CASS4: variants seen among roughly 807,000 people sequenced by gnomAD.
CASS4 encodes Cas scaffold protein family member 4.
A neutral mutation model predicts 54.2 loss-of-function variants in CASS4; 22 were observed. That is an observed-to-expected ratio of 0.41 (90% CI 0.29 to 0.58). The LOEUF (loss-of-function observed/expected upper bound fraction) is 0.58. CASS4 is among the 20% of genes least tolerant of loss of function. The pLI, the probability that CASS4 is intolerant of heterozygous loss-of-function variation, is 0.36. For missense variants in CASS4, 854 were observed against 986.7 expected (o/e 0.87, Z 1.80); for synonymous variants, 409 against 391.5 (o/e 1.04, Z -0.53).
In CASS4 at chr20:56,458,560, A is replaced by G. The variant is rs1450166082; in HGVS notation, c.2174A>G (p.Gln725Arg). 11 of 1,613,966 alleles carry G rather than the reference A, an allele frequency of 6.8e-6. No homozygotes were observed. In the Admixed American group the frequency reaches 1.8e-4, roughly 27 times the overall value. ...KLVDTLCMET[Q>R]ERDVRNEILR... is the part of the protein sequence containing the mutation. ...GTGGACACGCTGTGCATGGAGACCC[A>G]GGAGAGGGACGTGCGCAACGAGATC... The change falls in exon 6 of 6, where the codon CAG becomes CGG. Residue 725 changes from glutamine to arginine, a missense_variant. Coordinates refer to ENST00000679887, the MANE Select transcript of CASS4 (RefSeq NM_020356.4).
In CASS4 at chr20:56,435,493, A is replaced by C. The variant is rs138506168; in HGVS notation, c.37-1671A>C. On this transcript the variant is annotated intron_variant, in intron 1 of 5. Coordinates refer to ENST00000679887, the MANE Select transcript of CASS4 (RefSeq NM_020356.4). ...CTTTTTCTGTAATGAACATGTATTG[A>C]TATAAAAAGATTGGGAAAGGTGATT... Among the ~76,000 whole-genome samples, 434 of 152,284 alleles carry C rather than the reference A, an allele frequency of 2.8e-3. 2 individuals are homozygous for C. Among genetic ancestry groups the C allele is most frequent in the African/African-American group, 0.01 (420 of 41,564 alleles).
intron 2 of CASS4, among the ~76,000 whole-genome samples, chr20:56,442,533 GA>G (rs1490503877): frequency 2.6e-5 from 4 of 151,570 alleles, no homozygotes; most frequent in Non-Finnish European, 5.9e-5. Context: ...TCCAGACCAC[GA>G]AACAACAAAA....
chr20:56,424,502 A>T (rs1247953010), intron 1 of CASS4, among the ~76,000 whole-genome samples: 1 of 152,116 alleles, frequency 6.6e-6, no homozygotes, highest in African/African-American at 2.4e-5. Flanking sequence ...GCACTTTGGG[A>T]GGTCAAGGCG....
chr20:56,450,542 T>C, intron 3 of CASS4, 57 bp from the exon 4 acceptor site: 3 of 1,485,348 alleles, frequency 2.0e-6, no homozygotes, highest in African/African-American at 1.4e-5. Context: ...GTGTTCGTGA[T>C]GTGTAGCCAT....
chr20:56,412,215 G>T (rs1030695868), upstream of CASS4: 1 of 517,154 alleles, frequency 1.9e-6, no homozygotes, highest in Admixed American at 3.5e-5. The surrounding 1 kb of genome is among the most constrained non-coding windows in gnomAD (Gnocchi z 4.2). Context: ...GCATTGAGAC[G>T]TGAGTGTGGC....
chr20:56,452,609 C>A lies in CASS4; in HGVS notation c.1433C>A (p.Ala478Glu). ...GACTATCTGGAGGCCAACATTGATG[C>A]AATCCACAGGTCCACTGATCACATA... The part of the protein sequence containing the change: ...FRDYLEANID[A>E]IHRSTDHIEE... The change falls in exon 5 of 6, where the codon GCA (alanine) becomes GAA (glutamate). Residue 478 changes from alanine to glutamate, a missense_variant. Coordinates refer to ENST00000679887, the MANE Select transcript of CASS4 (RefSeq NM_020356.4). 6.2e-7 allele frequency: 1 copy of A among 1,614,162 alleles called. No homozygotes were observed. Among genetic ancestry groups the A allele is most frequent in the Non-Finnish European group, 8.5e-7 (1 of 1,180,020 alleles).
In CASS4 at chr20:56,414,330, T is replaced by C. The variant is rs1041057162; in HGVS notation, c.36+1836T>C. Among the ~76,000 whole-genome samples, 2 of 152,226 alleles carry C rather than the reference T, an allele frequency of 1.3e-5. No individual in the cohort carries two copies. Among genetic ancestry groups the C allele is most frequent in the African/African-American group, 4.8e-5 (2 of 41,458 alleles). On this transcript the variant is annotated intron_variant, in intron 1 of 5. Coordinates refer to ENST00000679887, the MANE Select transcript of CASS4 (RefSeq NM_020356.4). The surrounding 1 kb of genome is among the most constrained non-coding windows in gnomAD (Gnocchi z 4.1). Reference sequence around the variant, plus strand: ...ACTACCTTTTTCTCTTTCATAACATTGACCTTTTTTCTAAACAGCCTAGAT... The same window carrying C: ...ACTACCTTTTTCTCTTTCATAACATCGACCTTTTTTCTAAACAGCCTAGAT...
At chr20:56,416,008 T>C (rs1227944073) in intron 1 of CASS4, among the ~76,000 whole-genome samples, 1 of 152,242 alleles carries the variant, frequency 6.6e-6, no homozygotes, top group Non-Finnish European at 1.5e-5. Flanking sequence ...TGTGGAACTC[T>C]AGCCAACTAG....
At chr20:56,443,241 G>A (rs1178214477) in intron 2 of CASS4, among the ~76,000 whole-genome samples, 2 of 151,364 alleles carry the variant, frequency 1.3e-5, no homozygotes, top group African/African-American at 4.9e-5. Flanking sequence ...TTCCACTTTG[G>A]GAGGCTGAGG....
chr20:56,427,821 C>T (rs1021356298), intron 1 of CASS4, among the ~76,000 whole-genome samples: 5 of 152,292 alleles, frequency 3.3e-5, no homozygotes, highest in Admixed American at 1.3e-4. Flanking sequence ...TCCATCACCT[C>T]GCCTGAATAG....
At chr20:56,444,254 T>C (rs1222398038) in intron 2 of CASS4, among the ~76,000 whole-genome samples, 1 of 152,086 alleles carries the variant, frequency 6.6e-6, no homozygotes, top group African/African-American at 2.4e-5. Context: ...CCTGACCCAG[T>C]CCTCAGAAAC....
At chr20:56,432,354 CCT>C (rs1569143898) in intron 1 of CASS4, among the ~76,000 whole-genome samples, 1 of 137,980 alleles carries the variant, frequency 7.2e-6, no homozygotes, top group African/African-American at 2.7e-5. Flanking sequence ...TTTCATAAGT[CCT>C]TTTTTTTTTT....
At chr20:56,427,287 C>T (rs188821081) in intron 1 of CASS4, among the ~76,000 whole-genome samples, 3 of 152,008 alleles carry the variant, frequency 2.0e-5, no homozygotes, top group Admixed American at 2.0e-4. Context: ...TTGATTTTTC[C>T]TCAGGTTGTC....
intron 1 of CASS4, among the ~76,000 whole-genome samples, chr20:56,423,540 TTTTA>T (rs572652711): frequency 6.6e-6 from 1 of 152,122 alleles, no homozygotes; most frequent in Non-Finnish European, 1.5e-5. Context: ...CATTACTTTA[TTTTA>T]TTTATTTATT....
chr20:56,436,949 C>T (rs773155610), intron 1 of CASS4, among the ~76,000 whole-genome samples: 1 of 152,162 alleles, frequency 6.6e-6, no homozygotes, highest in African/African-American at 2.4e-5. Flanking sequence ...TCTCAGGATA[C>T]AGGTAAGTCT....
At chr20:56,431,579 A>G (rs539356043) in intron 1 of CASS4, among the ~76,000 whole-genome samples, 1 of 152,340 alleles carries the variant, frequency 6.6e-6, no homozygotes, top group Non-Finnish European at 1.5e-5. Flanking sequence ...TAAATCATAT[A>G]TCAAGAATAA....
At position 56,458,591 on chromosome 20, in the gene CASS4, T is replaced by C. The variant is rs3746625; in HGVS notation, c.2205T>C (p.Arg735=). Residue 735 remains arginine, a synonymous_variant, in exon 6 of 6, where the codon CGT becomes CGC. Transcript: ENST00000679887. ...GGGACGTGCGCAACGAGATCCTCCG[T>C]GGCAGCAGTCACCTCTGCAGCCTGC... The part of the protein sequence containing the change: ...QERDVRNEIL[R]GSSHLCSLLK... 0.37 allele frequency: 603,116 copies of C among 1,613,370 alleles called. 124,053 individuals are homozygous for C. The highest frequency in any genetic ancestry group is 0.94 in the East Asian group (42,304 of 44,868).
chr20:56,416,613 T>G (rs374225825), intron 1 of CASS4, among the ~76,000 whole-genome samples: 5 of 152,190 alleles, frequency 3.3e-5, no homozygotes, highest in South Asian at 2.1e-4. Flanking sequence ...TACACAGCCC[T>G]TTTTTCCCCA....
In CASS4 at chr20:56,452,035, T is replaced by A. The variant is rs1247903047; in HGVS notation, c.859T>A (p.Ser287Thr). Residue 287 changes from serine to threonine, a missense_variant, in exon 5 of 6, where the codon TCC becomes ACC. Ser to Thr is a moderately conservative substitution (Grantham distance 58). Coordinates refer to ENST00000679887, the MANE Select transcript of CASS4 (RefSeq NM_020356.4). ...STFYNPPSGR[S>T]RSLTPQLNNN... ...TTTCTACAATCCTCCAAGTGGCAGA[T>A]CCAGGTCCCTCACTCCACAACTGAA... 3 of 1,614,026 alleles carry A rather than the reference T, an allele frequency of 1.9e-6. No individual in the cohort carries two copies. In the Admixed American group the frequency reaches 5.0e-5, roughly 27 times the overall value.
Sources: gnomAD v4.1 joint callset for allele counts (sites outside exome capture counted in the v4.1 genomes callset) on GRCh38, gnomAD v4.1.1 for gene constraint, Gnocchi (gnomAD v3.1) non-coding constraint, MANE v1.5 for transcripts, NCBI Gene and HGNC (gene_info 2026-07-23, HGNC 2026-07-21) for gene names.